The following SLC8A1 variants were observed in gnomAD, a reference collection of about 807,000 sequenced individuals.
SLC8A1 encodes sodium/calcium exchanger 1.
In SLC8A1, 18 loss-of-function variants were observed where a neutral mutation model predicts 68.3. That is an observed-to-expected ratio of 0.26 (90% CI 0.18 to 0.39). The LOEUF (loss-of-function observed/expected upper bound fraction) is 0.39, where lower values mean the gene tolerates loss of function less well. Among genes scored for constraint, SLC8A1 ranks in the 10% least tolerant of loss-of-function variants. The pLI is 1.00. For synonymous variants in SLC8A1, 475 were observed against 415.5 expected (o/e 1.14, Z -1.74); for missense variants, 985 against 1,156.7 (o/e 0.85, Z 2.15).
intron 2 of SLC8A1, among the ~76,000 whole-genome samples, chr2:40,267,739 C>G (rs1315211839): frequency 1.3e-5 from 2 of 152,124 alleles, no homozygotes; most frequent in African/African-American, 2.4e-5. Flanking sequence ...TTTTTGAATC[C>G]TCATAATTCT....
In SLC8A1 at chr2:40,140,805, A is replaced by G. The variant is rs559055737; in HGVS notation, c.2162-1129T>C. 2.0e-5 allele frequency among the ~76,000 whole-genome samples: 3 copies of G among 149,990 alleles called. No homozygotes were observed. In the South Asian group the frequency reaches 6.4e-4, roughly 32 times the overall value. On this transcript the variant is annotated intron_variant, in intron 6 of 7. Coordinates refer to ENST00000406785, the Ensembl canonical transcript of SLC8A1. ...TGAAGGAGTGCATGCAGAAATTTCT[A>G]TTGACTTTATATAACTATGCAATTA...
chr2:40,104,767 G>T (rs541451051), exon 8 of SLC8A1: 1 of 152,098 alleles, frequency 6.6e-6, no homozygotes, highest in Non-Finnish European at 1.5e-5. Context: ...AATATAAAAG[G>T]CTCTAACTTT....
intron 2 of SLC8A1, among the ~76,000 whole-genome samples, chr2:40,217,999 C>G (rs541823151): frequency 6.6e-6 from 1 of 151,722 alleles, no homozygotes; most frequent in African/African-American, 2.4e-5. Flanking sequence ...CCTACAGGAC[C>G]AATATTAAGA....
At chr2:40,509,417 C>T (rs1415378219) in intron 1 of SLC8A1, among the ~76,000 whole-genome samples, 1 of 150,302 alleles carries the variant, frequency 6.7e-6, no homozygotes, top group African/African-American at 2.5e-5. Context: ...CTTTTAATCA[C>T]CTGATCAAGG....
intron 2 of SLC8A1, among the ~76,000 whole-genome samples, chr2:40,318,003 A>T (rs2074696545): frequency 4.6e-5 from 7 of 152,050 alleles, no homozygotes; most frequent in Admixed American, 3.9e-4. Context: ...GCAACACTGA[A>T]GTGTATAACA....
chr2:40,429,912 G>A, exon 2 of SLC8A1: 1 of 1,613,454 alleles, frequency 6.2e-7, no homozygotes, highest in South Asian at 1.1e-5. Context: ...CAGTTGTCTT[G>A]GTGGTCTCTC....
At chr2:40,139,127 C>A (rs1228831815) in intron 7 of SLC8A1, among the ~76,000 whole-genome samples, 1 of 152,142 alleles carries the variant, frequency 6.6e-6, no homozygotes, top group African/African-American at 2.4e-5. Flanking sequence ...ATCTGAAAAT[C>A]TATCCATCAA....
intron 1 of SLC8A1, among the ~76,000 whole-genome samples, chr2:40,441,023 G>C (rs1380482602): frequency 6.6e-6 from 1 of 152,132 alleles, no homozygotes; most frequent in Non-Finnish European, 1.5e-5. Flanking sequence ...TCTATATTTA[G>C]AAAACCCCAG....
intron 6 of SLC8A1, among the ~76,000 whole-genome samples, chr2:40,140,541 A>G (rs527438766): frequency 2.4e-4 from 37 of 152,370 alleles, no homozygotes; most frequent in Middle Eastern, 6.8e-3. Context: ...TCAAATGATC[A>G]GTCCCACTGA....
At chr2:40,307,722 G>T (rs531890430) in intron 2 of SLC8A1, among the ~76,000 whole-genome samples, 51 of 152,122 alleles carry the variant, frequency 3.4e-4, no homozygotes, top group Non-Finnish European at 7.1e-4. Context: ...AACACACTTT[G>T]TTCACAGACA....
At chr2:40,260,772 GTGTA>G (rs1228224636) in intron 2 of SLC8A1, among the ~76,000 whole-genome samples, 5 of 150,412 alleles carry the variant, frequency 3.3e-5, no homozygotes, top group Admixed American at 2.6e-4. Context: ...GACTTCCTAC[GTGTA>G]ACTAAAATCT....
chr2:40,451,234 G>A (rs1263431812), intron 1 of SLC8A1, among the ~76,000 whole-genome samples: 4 of 152,182 alleles, frequency 2.6e-5, no homozygotes, highest in Non-Finnish European at 5.9e-5. Context: ...AATCTCTTGG[G>A]GAAAGATGCC....
At chr2:40,293,482 C>T (rs2069726328) in intron 2 of SLC8A1, among the ~76,000 whole-genome samples, 1 of 152,158 alleles carries the variant, frequency 6.6e-6, no homozygotes, top group African/African-American at 2.4e-5. Context: ...ATACTAGTCA[C>T]TGGAAGTTTC....
chr2:40,139,582 C>T (rs137900136), exon 7 of SLC8A1: 487 of 1,614,044 alleles, frequency 3.0e-4, no homozygotes, highest in Non-Finnish European at 4.0e-4. Flanking sequence ...CGAAGGCAAA[C>T]AGGACCTTCC....
chr2:40,376,849 T>C (rs368225585), intron 2 of SLC8A1, among the ~76,000 whole-genome samples: 7 of 152,238 alleles, frequency 4.6e-5, no homozygotes, highest in African/African-American at 1.7e-4. Context: ...TGAATACTTG[T>C]AATTTCCAAA....
exon 7 of SLC8A1, chr2:40,139,669 A>C (rs1238532920): frequency 5.0e-6 from 8 of 1,613,456 alleles, no homozygotes; most frequent in Admixed American, 3.3e-5. Context: ...CGTCGTCATC[A>C]TCTTCCCCTA....
intron 2 of SLC8A1, among the ~76,000 whole-genome samples, chr2:40,218,447 T>G (rs570688234): frequency 1.3e-5 from 2 of 152,344 alleles, no homozygotes; most frequent in South Asian, 4.1e-4. Flanking sequence ...CATATTTGAT[T>G]GGTACAAAAT....
intron 2 of SLC8A1, among the ~76,000 whole-genome samples, chr2:40,243,637 G>A (rs2061484807): frequency 6.6e-6 from 1 of 152,136 alleles, no homozygotes; most frequent in Admixed American, 6.6e-5. Context: ...ACCTGGCTCT[G>A]GGAAAATGAA....
chr2:40,129,371 C>T (rs1166434614), intron 7 of SLC8A1, among the ~76,000 whole-genome samples: 1 of 150,196 alleles, frequency 6.7e-6, no homozygotes, highest in East Asian at 2.0e-4. Context: ...GCTGGGACAA[C>T]AGGTGCATAC....
Sources: gnomAD v4.1 joint callset for allele counts (sites outside exome capture counted in the v4.1 genomes callset) on GRCh38, gnomAD v4.1.1 for gene constraint, MANE v1.5 for transcripts, NCBI Gene and HGNC (gene_info 2026-07-23, HGNC 2026-07-21) for gene names.